The following NR2C2 variants were observed in gnomAD, a reference collection of about 807,000 sequenced individuals.
NR2C2 encodes the protein Nuclear hormone receptor TR4.
In NR2C2, 6 loss-of-function variants were observed where a neutral mutation model predicts 62.9. The observed-to-expected ratio is 0.10, with a 90% CI of 0.05 to 0.19. NR2C2 has a LOEUF of 0.19. Ranked by LOEUF, NR2C2 falls within the 10% of genes least tolerant of loss-of-function variation. NR2C2 has a pLI of 1.00. For synonymous variants in NR2C2, 272 were observed against 273.8 expected (o/e 0.99, Z 0.07); for missense variants, 479 against 762.7 (o/e 0.63, Z 4.38).
intron 2 of NR2C2, among the ~76,000 whole-genome samples, chr3:15,010,948 T>C (rs1479874346): frequency 6.6e-6 from 1 of 152,178 alleles, no homozygotes; most frequent in Non-Finnish European, 1.5e-5. Flanking sequence ...GAATTACTAG[T>C]GTTGCCTTGG....
At chr3:15,039,708 T>G (rs1367160013) in intron 13 of NR2C2, among the ~76,000 whole-genome samples, 1 of 152,100 alleles carries the variant, frequency 6.6e-6, no homozygotes, top group Non-Finnish European at 1.5e-5. Flanking sequence ...GACAGAAAAT[T>G]CTTATTGACA....
At chr3:14,983,505 T>A (rs11128724) in intron 1 of NR2C2, among the ~76,000 whole-genome samples, 350 of 151,060 alleles carry the variant, frequency 2.3e-3, no homozygotes, top group African/African-American at 8.1e-3. Context: ...ATTCTTAGTT[T>A]GCTAACATTT....
intron 2 of NR2C2, among the ~76,000 whole-genome samples, chr3:15,011,395 G>T (rs959899240): frequency 1.3e-5 from 2 of 152,138 alleles, no homozygotes; most frequent in African/African-American, 4.8e-5. Context: ...GGTTATGAGG[G>T]CTTCCAAAGG....
intron 1 of NR2C2, among the ~76,000 whole-genome samples, chr3:14,980,513 G>T (rs923042788): frequency 6.6e-6 from 1 of 151,910 alleles, no homozygotes; most frequent in Non-Finnish European, 1.5e-5. Flanking sequence ...ACTATTATGT[G>T]ATACATGTAT....
intron 3 of NR2C2, among the ~76,000 whole-genome samples, chr3:15,015,139 T>G (rs1258989207): frequency 6.6e-6 from 1 of 152,180 alleles, no homozygotes; most frequent in Non-Finnish European, 1.5e-5. Context: ...TCCTTTAGAG[T>G]ACTCCTTGTC....
At chr3:15,004,454 C>T (rs2041109648) in intron 2 of NR2C2, 1 of 1,185,424 alleles carries the variant, frequency 8.4e-7, no homozygotes, top group Non-Finnish European at 1.2e-6. Context: ...AGAATGGTAC[C>T]TGGCACATAA....
intron 8 of NR2C2, among the ~76,000 whole-genome samples, chr3:15,029,848 T>TAGATAGAC (rs1553571974): frequency 6.9e-6 from 1 of 145,202 alleles, no homozygotes; most frequent in Non-Finnish European, 1.5e-5. Flanking sequence ...TAGATATAGA[T>TAGATAGAC]AGACCCCATC....
At chr3:15,002,519 T>G (rs997656058) in intron 1 of NR2C2, among the ~76,000 whole-genome samples, 4 of 152,088 alleles carry the variant, frequency 2.6e-5, no homozygotes, top group African/African-American at 9.7e-5. Flanking sequence ...ATAAGAGATA[T>G]TGGTCTGTAG....
intron 1 of NR2C2, among the ~76,000 whole-genome samples, chr3:14,952,108 G>C (rs2039382882): frequency 6.6e-6 from 1 of 152,246 alleles, no homozygotes; most frequent in Non-Finnish European, 1.5e-5. Context: ...CAGTGACAGA[G>C]CTTGGGCTAT....
At chr3:14,963,007 C>T (rs1383303381) in intron 1 of NR2C2, among the ~76,000 whole-genome samples, 1 of 152,050 alleles carries the variant, frequency 6.6e-6, no homozygotes, top group African/African-American at 2.4e-5. Context: ...AGTATAATTC[C>T]ATGTGAGGGA....
chr3:15,004,088 T>G, intron 2 of NR2C2, 102 bp downstream of exon 2: 1 of 850,518 alleles, frequency 1.2e-6, no homozygotes, highest in Non-Finnish European at 1.8e-6. Flanking sequence ...CTTTTGGGCA[T>G]GAAATACAGT....
chr3:15,018,182 A>G (rs2041564071), intron 4 of NR2C2, among the ~76,000 whole-genome samples: 1 of 152,190 alleles, frequency 6.6e-6, no homozygotes, highest in Non-Finnish European at 1.5e-5. Flanking sequence ...TATTTTTAGT[A>G]GAGACTGGGT....
intron 1 of NR2C2, among the ~76,000 whole-genome samples, chr3:14,991,696 C>A (rs1311095120): frequency 6.6e-6 from 1 of 151,220 alleles, no homozygotes; most frequent in Non-Finnish European, 1.5e-5. Flanking sequence ...CTTAATATTG[C>A]ACATTTAATT....
chr3:15,023,055 C>A, intron 5 of NR2C2, 145 bp from the exon 6 acceptor site: 4 of 859,232 alleles, frequency 4.7e-6, no homozygotes, highest in Non-Finnish European at 7.0e-6. Flanking sequence ...TTCTCTCTGG[C>A]CGAAAAGTCC....
intron 2 of NR2C2, among the ~76,000 whole-genome samples, chr3:15,013,359 A>G (rs2041409980): frequency 6.6e-6 from 1 of 152,262 alleles, no homozygotes; most frequent in Non-Finnish European, 1.5e-5. Flanking sequence ...AATTCTAAAA[A>G]CAGTAGGAAA....
At chr3:14,952,348 C>G (rs972488729) in intron 1 of NR2C2, among the ~76,000 whole-genome samples, 1 of 152,200 alleles carries the variant, frequency 6.6e-6, no homozygotes, top group Non-Finnish European at 1.5e-5. Flanking sequence ...GCCTGAGTGT[C>G]TCCACATATC....
intron 4 of NR2C2, among the ~76,000 whole-genome samples, chr3:15,018,404 G>A (rs1440764920): frequency 6.6e-6 from 1 of 151,838 alleles, no homozygotes; most frequent in Non-Finnish European, 1.5e-5. Flanking sequence ...TAAACAACTC[G>A]ACAGCAAAAA....
intron 4 of NR2C2, 39 bp from the exon 5 acceptor site, chr3:15,020,714 T>A: frequency 6.2e-7 from 1 of 1,605,200 alleles, no homozygotes; most frequent in East Asian, 2.2e-5. Flanking sequence ...TCCACAAATA[T>A]AGTCACAAAA....
At chr3:14,968,905 T>C (rs1344322558) in intron 1 of NR2C2, among the ~76,000 whole-genome samples, 1 of 147,710 alleles carries the variant, frequency 6.8e-6, no homozygotes, top group African/African-American at 2.5e-5. Flanking sequence ...AAACACCGCA[T>C]ATTCTCACTC....
Sources: gnomAD v4.1 joint callset for allele counts (sites outside exome capture counted in the v4.1 genomes callset) on GRCh38, gnomAD v4.1.1 for gene constraint, MANE v1.5 for transcripts, NCBI Gene and HGNC (gene_info 2026-07-23, HGNC 2026-07-21) for gene names.